Variants in TAFA1 observed in about 807,000 individuals in gnomAD.
TAFA1 encodes the protein chemokine-like protein TAFA-1.
A neutral mutation model predicts 18.5 loss-of-function variants in TAFA1; 4 were observed. The observed-to-expected ratio is 0.22, with a 90% CI of 0.11 to 0.49. The LOEUF is 0.49. Ranked by LOEUF, TAFA1 falls within the 20% of genes least tolerant of loss-of-function variation. TAFA1 has a pLI of 0.98. For missense variants in TAFA1, 147 were observed against 169.0 expected, an observed-to-expected ratio of 0.87 and a Z score of 0.72; for synonymous variants, 56 against 55.2, an observed-to-expected ratio of 1.01 and a Z score of -0.06.
intron 4 of TAFA1, among the ~76,000 whole-genome samples, chr3:68,542,188 T>A (rs2073388514): frequency 6.6e-6 from 1 of 152,172 alleles, no homozygotes; most frequent in Non-Finnish European, 1.5e-5. Context: ...AGTATTCACC[T>A]TGAAAGGTTT....
chr3:68,006,485 C>T (rs1559698983), intron 1 of TAFA1, 139 bp from the exon 2 acceptor site: 1 of 641,856 alleles, frequency 1.6e-6, no homozygotes, highest in Non-Finnish European at 2.9e-6. Context: ...ATGGCATGAC[C>T]TCTGCTGGAT....
chr3:68,214,796 A>T (rs962885131), intron 2 of TAFA1, among the ~76,000 whole-genome samples: 1 of 152,066 alleles, frequency 6.6e-6, no homozygotes, highest in African/African-American at 2.4e-5. Flanking sequence ...GTATTTGGTT[A>T]TTCATTACAT....
intron 2 of TAFA1, among the ~76,000 whole-genome samples, chr3:68,084,699 C>T (rs1035720732): frequency 6.6e-5 from 10 of 151,452 alleles, no homozygotes; most frequent in Non-Finnish European, 1.5e-4. Flanking sequence ...TTGGGAGGCT[C>T]AGGCAGGAGA....
At chr3:68,452,980 C>T (rs1022169741) in intron 3 of TAFA1, among the ~76,000 whole-genome samples, 1 of 152,114 alleles carries the variant, frequency 6.6e-6, no homozygotes, top group Non-Finnish European at 1.5e-5. Context: ...CATCTACTCG[C>T]CTCTTTGAAT....
intron 2 of TAFA1, among the ~76,000 whole-genome samples, chr3:68,268,624 C>T (rs1344785535): frequency 2.0e-5 from 3 of 152,092 alleles, no homozygotes; most frequent in African/African-American, 4.8e-5. Flanking sequence ...AGACCAGGCA[C>T]CCTGACACAG....
At position 68,388,088 on chromosome 3, in the gene TAFA1, T is replaced by C. The variant is rs116022912; in HGVS notation, c.119-29192T>C. ...GCATATTCAGTATTTCAATATGTCA[T>C]TTTTAGAAACCACGTAAAATTCCTC... On this transcript the variant is annotated intron_variant, in intron 2 of 4. Transcript: ENST00000478136. 8.2e-3 allele frequency among the ~76,000 whole-genome samples: 1,255 copies of C among 152,264 alleles called. 21 individuals carry two copies. Among genetic ancestry groups the C allele is most frequent in the African/African-American group, 0.029 (1,213 of 41,558 alleles).
chr3:68,052,752 A>C (rs1261061971), intron 2 of TAFA1, among the ~76,000 whole-genome samples: 1 of 152,210 alleles, frequency 6.6e-6, no homozygotes, highest in African/African-American at 2.4e-5. Flanking sequence ...TGACTCACTT[A>C]TGAATATTGT....
intron 2 of TAFA1, among the ~76,000 whole-genome samples, chr3:68,272,823 T>G (rs889687015): frequency 6.6e-6 from 1 of 152,170 alleles, no homozygotes; most frequent in Non-Finnish European, 1.5e-5. Context: ...CAGAAACTAC[T>G]AAAACATTAA....
chr3:68,364,154 G>A (rs2069524335), intron 2 of TAFA1, among the ~76,000 whole-genome samples: 1 of 152,302 alleles, frequency 6.6e-6, no homozygotes. Context: ...TGAAGGCCTT[G>A]TTGCTATCTC....
At chr3:68,330,884 C>T (rs2068855516) in intron 2 of TAFA1, among the ~76,000 whole-genome samples, 1 of 150,550 alleles carries the variant, frequency 6.6e-6, no homozygotes, top group African/African-American at 2.4e-5. Flanking sequence ...ATTTAAATAC[C>T]TTGAAGACAG....
chr3:68,218,653 T>G (rs1483395108), intron 2 of TAFA1, among the ~76,000 whole-genome samples: 2 of 152,154 alleles, frequency 1.3e-5, no homozygotes, highest in Non-Finnish European at 2.9e-5. Context: ...GAGCTTCTTC[T>G]CTGGAATGCC....
At chr3:68,347,433 G>A (rs563861924) in intron 2 of TAFA1, among the ~76,000 whole-genome samples, 1 of 152,186 alleles carries the variant, frequency 6.6e-6, no homozygotes, top group African/African-American at 2.4e-5. Flanking sequence ...TGGTTCTCCT[G>A]TAGTGCAGCA....
intron 2 of TAFA1, among the ~76,000 whole-genome samples, chr3:68,310,561 A>T (rs962229375): frequency 2.0e-5 from 3 of 152,182 alleles, no homozygotes; most frequent in Middle Eastern, 3.2e-3. Context: ...CATATTCATT[A>T]CAACTTTTCA....
chr3:68,246,458 C>T (rs1473237263), intron 2 of TAFA1, among the ~76,000 whole-genome samples: 7 of 151,324 alleles, frequency 4.6e-5, no homozygotes, highest in Non-Finnish European at 7.4e-5. Context: ...GGCGTGGTGG[C>T]GGGCGCCTGT....
rs567850081 is a variant in TAFA1 at position 68,515,409 on chromosome 3, A to T, written c.260-23347A>T. ...CAGTGTTTCAGCCAGAAAGAGATGG[A>T]TGATCTGATTGGACCAGCCTGGTCA... On this transcript the variant is annotated intron_variant, in intron 3 of 4. Coordinates refer to ENST00000478136, the MANE Select transcript of TAFA1 (RefSeq NM_213609.4). Among the ~76,000 whole-genome samples, 3 of 152,290 alleles carry T rather than the reference A, an allele frequency of 2.0e-5. No individual in the cohort carries two copies. In the South Asian group the frequency reaches 6.2e-4, roughly 32 times the overall value.
intron 2 of TAFA1, among the ~76,000 whole-genome samples, chr3:68,042,367 T>C (rs1705182906): frequency 6.6e-6 from 1 of 152,210 alleles, no homozygotes; most frequent in Non-Finnish European, 1.5e-5. Flanking sequence ...ACTTTATATA[T>C]TGCTGGGCAC....
chr3:68,500,707 G>GAA (rs11438676), intron 3 of TAFA1, among the ~76,000 whole-genome samples: 31 of 149,978 alleles, frequency 2.1e-4, no homozygotes, highest in East Asian at 1.6e-3. Context: ...GTCTTTTATG[G>GAA]AAAAAAAAAA....
At chr3:68,201,687 T>C (rs1461857476) in intron 2 of TAFA1, among the ~76,000 whole-genome samples, 1 of 151,660 alleles carries the variant, frequency 6.6e-6, no homozygotes, top group Admixed American at 6.6e-5. Context: ...TGAAATAATA[T>C]AGCCACTGTC....
intron 3 of TAFA1, among the ~76,000 whole-genome samples, chr3:68,443,057 G>T (rs867260477): frequency 1.2e-4 from 18 of 152,154 alleles, no homozygotes; most frequent in Middle Eastern, 3.4e-3. Flanking sequence ...ACTACAAAAG[G>T]CATCCACATC....
Sources: gnomAD v4.1 joint callset for allele counts (sites outside exome capture counted in the v4.1 genomes callset) on GRCh38, gnomAD v4.1.1 for gene constraint, MANE v1.5 for transcripts, NCBI Gene and HGNC (gene_info 2026-07-23, HGNC 2026-07-21) for gene names.